ZFHX3: variants seen among roughly 807,000 people sequenced by gnomAD.
ZFHX3 encodes the protein zinc finger homeobox protein 3.
Under a neutral mutation model 279.1 loss-of-function variants are expected in ZFHX3, and 42 were observed. The ratio of observed to expected loss-of-function variants is 0.15; its 90% CI spans 0.12 to 0.19. The LOEUF (loss-of-function observed/expected upper bound fraction) is 0.19. ZFHX3 is among the 10% of genes least tolerant of loss of function. The pLI, the probability that ZFHX3 is intolerant of heterozygous loss-of-function variation, is 1.00. For missense variants in ZFHX3, 4,981 were observed against 4,754.0 expected, an observed-to-expected ratio of 1.05 and a Z score of -1.40; for synonymous variants, 2,293 against 1,957.8, an observed-to-expected ratio of 1.17 and a Z score of -4.52.
At chr16:72,980,823 G>A (rs755010251) in intron 1 of ZFHX3, among the ~76,000 whole-genome samples, 2 of 152,158 alleles carry the variant, frequency 1.3e-5, no homozygotes, top group East Asian at 1.9e-4. Context: ...GCATGATATC[G>A]TTGGCTTCAA....
chr16:73,785,348 A>T (rs930678060), intron 1 of ZFHX3, among the ~76,000 whole-genome samples: 7 of 152,204 alleles, frequency 4.6e-5, no homozygotes, highest in Non-Finnish European at 1.0e-4. Flanking sequence ...ATTCTTCCAC[A>T]TAAATGAATT....
intron 3 of ZFHX3, among the ~76,000 whole-genome samples, chr16:73,422,726 A>G (rs1055900444): frequency 1.3e-5 from 2 of 152,068 alleles, no homozygotes; most frequent in East Asian, 1.9e-4. Flanking sequence ...CTTCCTCTTA[A>G]TAATTGCAGT....
At chr16:73,170,872 C>T (rs772157768) in intron 5 of ZFHX3, among the ~76,000 whole-genome samples, 39 of 152,072 alleles carry the variant, frequency 2.6e-4, no homozygotes, top group Non-Finnish European at 5.6e-4. Flanking sequence ...CCCTCATGTG[C>T]CCCAGCTGTC....
At chr16:73,301,941 A>G (rs2015065872) in intron 4 of ZFHX3, among the ~76,000 whole-genome samples, 1 of 152,128 alleles carries the variant, frequency 6.6e-6, no homozygotes, top group Admixed American at 6.5e-5. Context: ...TGCGGCAACC[A>G]CAAGGCCCGA....
intron 3 of ZFHX3, among the ~76,000 whole-genome samples, chr16:72,894,151 A>T (rs1308989839): frequency 6.9e-6 from 1 of 144,632 alleles, no homozygotes; most frequent in Non-Finnish European, 1.5e-5. Context: ...TCTGTCTCAA[A>T]AAAAAAAAAA....
intron 5 of ZFHX3, among the ~76,000 whole-genome samples, chr16:73,169,658 CA>C: frequency 7.7e-6 from 1 of 129,166 alleles, no homozygotes; most frequent in East Asian, 2.3e-4. Flanking sequence ...GACGATGTCT[CA>C]AAAAAGGAAA....
At chr16:73,224,374 A>G (rs2012523384) in intron 5 of ZFHX3, among the ~76,000 whole-genome samples, 1 of 152,230 alleles carries the variant, frequency 6.6e-6, no homozygotes, top group African/African-American at 2.4e-5. Context: ...TTAGCATCAC[A>G]ATGTACACAT....
At chr16:72,809,567 A>G (rs1003241203) in intron 7 of ZFHX3, 5 of 152,254 alleles carry the variant, frequency 3.3e-5, no homozygotes, top group African/African-American at 1.2e-4. Context: ...ACTCATGGCT[A>G]GGTCACCTTT....
intron 1 of ZFHX3, among the ~76,000 whole-genome samples, chr16:72,985,205 G>C (rs532519990): frequency 6.6e-6 from 1 of 152,154 alleles, no homozygotes; most frequent in South Asian, 2.1e-4. Context: ...CAGGAGAAAA[G>C]GGGAACGTAA....
intron 7 of ZFHX3, among the ~76,000 whole-genome samples, chr16:72,801,935 C>T (rs548227756): frequency 1.3e-5 from 2 of 151,718 alleles, no homozygotes; most frequent in Non-Finnish European, 2.9e-5. Flanking sequence ...AAAAAGACTC[C>T]CCCCCACCTC....
chr16:73,579,873 T>TATATATAC lies in ZFHX3; in HGVS notation c.-1547+100306_-1547+100307insGTATATAT, dbSNP rs879701579. On this transcript the variant is annotated intron_variant, in intron 2 of 17. Transcript: ENST00000641206. Reference sequence around the variant, plus strand: ...TACAGATTATATATATATATATATATACATACACACACATATAATGTATTA... The same window carrying TATATATAC: ...TACAGATTATATATATATATATATATATATATACACATACACACACATATAATGTATTA... Among the ~76,000 whole-genome samples, 635 of 145,420 alleles carry TATATATAC rather than the reference T, an allele frequency of 4.4e-3. 17 individuals are homozygous for TATATATAC. The highest frequency in any genetic ancestry group is 0.015 in the African/African-American group (572 of 39,080).
intron 1 of ZFHX3, among the ~76,000 whole-genome samples, chr16:73,784,816 T>TACAC (rs58711157): frequency 0.22 from 29,975 of 133,868 alleles, 3,968 homozygotes; most frequent in Non-Finnish European, 0.3. Context: ...TATATATATA[T>TACAC]ACACACACAC....
chr16:73,562,366 C>T (rs981680959), intron 2 of ZFHX3, among the ~76,000 whole-genome samples: 10 of 152,156 alleles, frequency 6.6e-5, no homozygotes, highest in East Asian at 5.8e-4. Context: ...GAGGCCAAGG[C>T]GGGCGGATCA....
intron 4 of ZFHX3, among the ~76,000 whole-genome samples, chr16:73,272,532 C>G (rs1386108894): frequency 2.0e-5 from 3 of 152,256 alleles, no homozygotes; most frequent in East Asian, 1.9e-4. Flanking sequence ...ATTTACTGAG[C>G]ACCTAACTTG....
At chr16:73,820,678 C>T (rs1181607509) in intron 1 of ZFHX3, among the ~76,000 whole-genome samples, 4 of 152,038 alleles carry the variant, frequency 2.6e-5, no homozygotes, top group African/African-American at 9.7e-5. Context: ...CAATTCCAGA[C>T]TCATGAGAGA....
chr16:72,796,473 G>A lies in ZFHX3; in HGVS notation c.6209C>T (p.Pro2070Leu), dbSNP rs2035907836. Residue 2070 changes from proline (P) to leucine (L), a missense_variant, in exon 9 of 10, where the codon CCC (proline) becomes CTC (leucine). Transcript: ENST00000268489. ...STPAIPASAP[P>L]ITSPTIAPAQ... The stretch of plus-strand genomic sequence containing the variant: ...CGGTGCAATTGTAGGTGAGGTGATG[G>A]GTGGGGCTGATGCGGGGATGGCTGG... 6.2e-7 allele frequency: 1 copy of A among 1,608,558 alleles called. No individual in the cohort carries two copies. The highest frequency in any genetic ancestry group is 1.7e-5 in the Admixed American group (1 of 59,942).
Position 73,690,880 on chromosome 16 carries a change from C to T in ZFHX3, c.-1607-10640G>A, listed in dbSNP as rs935796153. Among the ~76,000 whole-genome samples the T allele has an allele frequency of 3.9e-5, 6 of 152,292 alleles. 1 individual carries two copies. The highest frequency in any genetic ancestry group is 6.8e-3 in the Middle Eastern group (2 of 294). On this transcript the variant is annotated intron_variant, in intron 1 of 17. Transcript: ENST00000641206. The stretch of plus-strand genomic sequence containing the variant: ...CCCAGCTGATACCAATAGCACTGCC[C>T]AGACAATTCCAGCCCAAATCTGGTG...
chr16:72,892,977 C>A (rs1458403649), intron 3 of ZFHX3, among the ~76,000 whole-genome samples: 1 of 152,072 alleles, frequency 6.6e-6, no homozygotes, highest in Non-Finnish European at 1.5e-5. Flanking sequence ...AGCCCACGTC[C>A]CTTCCCCCAA....
chr16:73,228,315 A>G (rs1049360536), intron 5 of ZFHX3, among the ~76,000 whole-genome samples: 1 of 152,212 alleles, frequency 6.6e-6, no homozygotes, highest in Non-Finnish European at 1.5e-5. Context: ...AATTAAAAAT[A>G]TTATGTGTTA....
Sources: allele counts gnomAD v4.1 joint callset (sites outside exome capture counted in the v4.1 genomes callset), GRCh38; gene constraint gnomAD v4.1.1; transcripts MANE v1.5; gene names NCBI Gene and HGNC (gene_info 2026-07-23, HGNC 2026-07-21).